Variants in KIAA0232 observed in about 807,000 individuals in gnomAD.
The protein encoded by KIAA0232 is KIAA0232.
KIAA0232 carries 27 observed loss-of-function variants against 122.0 expected under a neutral mutation model. The observed-to-expected ratio is 0.22, with a 90% CI of 0.16 to 0.31. KIAA0232 has a LOEUF of 0.31. KIAA0232 is among the 10% of genes least tolerant of loss of function. The probability of loss-of-function intolerance (pLI) is 1.00; values close to 1 mark genes in which losing one functional copy is unlikely to be tolerated. For synonymous variants in KIAA0232, 613 were observed against 587.6 expected (o/e 1.04, Z -0.63); for missense variants, 1,551 against 1,634.2 (o/e 0.95, Z 0.88).
At chr4:6,878,678 C>T (rs973045822) in intron 9 of KIAA0232, among the ~76,000 whole-genome samples, 1 of 152,126 alleles carries the variant, frequency 6.6e-6, no homozygotes, top group African/African-American at 2.4e-5. Flanking sequence ...GGTGGAGTGA[C>T]CTAAACCTTC....
chr4:6,785,200 G>A (rs1716564437), intron 1 of KIAA0232, among the ~76,000 whole-genome samples: 1 of 152,196 alleles, frequency 6.6e-6, no homozygotes, highest in African/African-American at 2.4e-5. Flanking sequence ...GCCTCCCAAA[G>A]TGCTGGGATT....
chr4:6,813,620 C>T (rs28575792), intron 2 of KIAA0232, among the ~76,000 whole-genome samples: 2,349 of 152,204 alleles, frequency 0.015, 20 homozygotes, highest in Non-Finnish European at 0.025. Context: ...CCTCGGCCTC[C>T]CAAAGTGCTG....
intron 3 of KIAA0232, among the ~76,000 whole-genome samples, chr4:6,828,556 C>T (rs1718812226): frequency 6.6e-6 from 1 of 152,092 alleles, no homozygotes; most frequent in Non-Finnish European, 1.5e-5. Context: ...ATTTTTGATA[C>T]ATGAATATAA....
intron 3 of KIAA0232, among the ~76,000 whole-genome samples, chr4:6,840,668 A>G (rs902551542): frequency 6.6e-6 from 1 of 151,496 alleles, no homozygotes; most frequent in Non-Finnish European, 1.5e-5. Flanking sequence ...TAAGATTAGG[A>G]CTGAGTAACT....
intron 1 of KIAA0232, among the ~76,000 whole-genome samples, chr4:6,788,085 C>A (rs1357147756): frequency 6.6e-6 from 1 of 152,180 alleles, no homozygotes; most frequent in Non-Finnish European, 1.5e-5. Flanking sequence ...GTCACTCATG[C>A]TGGAGTGCAG....
intron 3 of KIAA0232, among the ~76,000 whole-genome samples, chr4:6,838,470 T>C (rs1237383293): frequency 6.6e-6 from 1 of 152,242 alleles, no homozygotes; most frequent in Non-Finnish European, 1.5e-5. Flanking sequence ...ATTATAGGTA[T>C]GAGCCACCAT....
intron 3 of KIAA0232, among the ~76,000 whole-genome samples, chr4:6,838,191 T>C (rs1181472236): frequency 1.6e-4 from 1 of 6,110 alleles, no homozygotes; most frequent in Non-Finnish European, 6.1e-4. Context: ...AAAGATAGCT[T>C]TTTTTTTTTT....
At chr4:6,828,941 T>A (rs1718831409) in intron 3 of KIAA0232, among the ~76,000 whole-genome samples, 1 of 152,032 alleles carries the variant, frequency 6.6e-6, no homozygotes. Flanking sequence ...AATATTCAGT[T>A]TTTGTCACCT....
chr4:6,872,168 A>G (rs932843252), intron 8 of KIAA0232, among the ~76,000 whole-genome samples: 3 of 152,340 alleles, frequency 2.0e-5, no homozygotes, highest in Non-Finnish European at 4.4e-5. Flanking sequence ...CAGGATTTAA[A>G]TTGGAGGTTG....
intron 2 of KIAA0232, among the ~76,000 whole-genome samples, chr4:6,819,312 T>C (rs1718305023): frequency 6.6e-6 from 1 of 152,128 alleles, no homozygotes; most frequent in Admixed American, 6.5e-5. Context: ...CACCATTTCA[T>C]ATACAGACCA....
rs753031935 is a variant in KIAA0232, at chr4:6,855,882, A to C, written c.370-1282A>C. 87 of 985,030 alleles carry C rather than the reference A, an allele frequency of 8.8e-5. No homozygotes were observed. The highest frequency in any genetic ancestry group is 1.8e-4 in the Admixed American group (3 of 16,270). The allele number at this position is 985,030 out of a possible 1,614,324, so 61.0% of individuals were successfully genotyped here. On this transcript the variant is annotated intron_variant, in intron 4 of 9. Coordinates refer to ENST00000307659, the MANE Select transcript of KIAA0232 (RefSeq NM_014743.3). The surrounding 1 kb of genome is among the most constrained non-coding windows in gnomAD (Gnocchi z 4.3). ...ATGGAATATAATTGCCGTCCTTGTC[A>C]CACCTTGAGCATTATGGTAAGCAGG...
intron 7 of KIAA0232, among the ~76,000 whole-genome samples, chr4:6,867,058 A>G (rs1413785365): frequency 2.0e-5 from 3 of 151,854 alleles, no homozygotes. Context: ...ATTTCTTCCT[A>G]TTTTTTCTTT....
At chr4:6,802,330 A>G (rs1360221527) in intron 1 of KIAA0232, among the ~76,000 whole-genome samples, 1 of 152,206 alleles carries the variant, frequency 6.6e-6, no homozygotes, top group Admixed American at 6.5e-5. Context: ...CTCTGTAGCC[A>G]CAGCAGTACT....
At position 6,833,647 on chromosome 4, in the gene KIAA0232, GA is replaced by G. The variant is rs201974616; in HGVS notation, c.232-8411del. ...CTGCATCTCAAAAAAAGGAAAAAAAGAAAAAAAAAGGAAGAAGAAAGTGTTC... is the reference window on the plus strand; with the variant it reads ...CTGCATCTCAAAAAAAGGAAAAAAAGAAAAAAAAGGAAGAAGAAAGTGTTC... On this transcript the variant is annotated intron_variant, in intron 3 of 9. Coordinates refer to ENST00000307659, the MANE Select transcript of KIAA0232 (RefSeq NM_014743.3). Among the ~76,000 whole-genome samples, 520 of 150,040 alleles carry G rather than the reference GA, an allele frequency of 3.5e-3. 3 individuals carry two copies. Among genetic ancestry groups the G allele is most frequent in the African/African-American group, 0.011 (469 of 40,964 alleles).
In KIAA0232 at chr4:6,824,458, A is replaced by G. The variant is rs376473946; in HGVS notation, c.5A>G (p.Tyr2Cys). 6.2e-7 allele frequency: 1 copy of G among 1,613,508 alleles called. No homozygotes were observed. The highest frequency in any genetic ancestry group is 1.3e-5 in the African/African-American group (1 of 74,914). The change falls in exon 3 of 10, where the codon TAC becomes TGC. Residue 2 changes from tyrosine to cysteine, a missense_variant. Physicochemically the swap from Tyr to Cys is radical, Grantham distance 194 (BLOSUM62 -2). Transcript: ENST00000307659. The part of the protein sequence containing the change: M[Y>C]PICTVVVDGL... ...GGATGTCGGCAACCTAAATTCATGT[A>G]CCCTATCTGTACAGTTGTTGTGGAT...
chr4:6,858,589 T>G (rs1341901979), intron 6 of KIAA0232, 83 bp downstream of exon 6: 3 of 857,868 alleles, frequency 3.5e-6, no homozygotes, highest in Non-Finnish European at 3.6e-6. Flanking sequence ...GTTTTCTGTT[T>G]GTCATCTTGT....
chr4:6,875,677 G>A (rs1438698005), intron 8 of KIAA0232, among the ~76,000 whole-genome samples: 1 of 152,184 alleles, frequency 6.6e-6, no homozygotes, highest in African/African-American at 2.4e-5. Context: ...CAACTCTGTG[G>A]CAGGGGATGG....
intron 6 of KIAA0232, among the ~76,000 whole-genome samples, chr4:6,859,847 CAG>C (rs1256238849): frequency 3.9e-5 from 6 of 152,202 alleles, no homozygotes; most frequent in Non-Finnish European, 8.8e-5. Flanking sequence ...CAGTGGCCCC[CAG>C]TTTCCTAGCA....
intron 3 of KIAA0232, among the ~76,000 whole-genome samples, chr4:6,837,352 GAT>G (rs1719365367): frequency 6.6e-6 from 1 of 151,882 alleles, no homozygotes; most frequent in Admixed American, 6.5e-5. Context: ...CATCCCAGAC[GAT>G]GGGCGGCCGG....
Sources: gnomAD v4.1 joint callset for allele counts (sites outside exome capture counted in the v4.1 genomes callset) on GRCh38, gnomAD v4.1.1 for gene constraint, Gnocchi (gnomAD v3.1) non-coding constraint, MANE v1.5 for transcripts, NCBI Gene and HGNC (gene_info 2026-07-23, HGNC 2026-07-21) for gene names.